Variants in KIAA1958 observed in about 807,000 individuals in gnomAD.
KIAA1958 encodes the protein KIAA1958.
Under a neutral mutation model 47.2 loss-of-function variants are expected in KIAA1958, and 14 were observed. The ratio of observed to expected loss-of-function variants is 0.30; its 90% confidence interval spans 0.20 to 0.46. The LOEUF (loss-of-function observed/expected upper bound fraction) is 0.46. Ranked by LOEUF, KIAA1958 falls within the 20% of genes least tolerant of loss-of-function variation. The pLI is 1.00. For missense variants in KIAA1958, 803 were observed against 909.2 expected (o/e 0.88, Z 1.50); for synonymous variants, 354 against 353.3 (o/e 1.00, Z -0.02).
chr9:112,666,001 T>A lies in KIAA1958; in HGVS notation c.*5932T>A, dbSNP rs1292365123. ...TAGAAAAATATACCTTTTTTTTTTT[T>A]TGAGACTCAGGAGTCTCACTCTGTT... On this transcript the variant is annotated 3_prime_UTR_variant, in exon 4 of 4. Transcript: ENST00000337530. 6.6e-6 allele frequency: 1 copy of A among 151,996 alleles called. No homozygotes were observed. The allele number at this position is 151,996 out of a possible 1,614,324, so 9.4% of individuals were successfully genotyped here.
At chr9:112,520,846 C>G (rs963001286) in intron 1 of KIAA1958, among the ~76,000 whole-genome samples, 2 of 152,142 alleles carry the variant, frequency 1.3e-5, no homozygotes, top group Non-Finnish European at 2.9e-5. Flanking sequence ...ATATGTTGGT[C>G]CTTTTCAACA....
chr9:112,533,868 G>A (rs1688654395), intron 1 of KIAA1958, among the ~76,000 whole-genome samples: 1 of 152,118 alleles, frequency 6.6e-6, no homozygotes, highest in Non-Finnish European at 1.5e-5. Flanking sequence ...GGACTATGGG[G>A]ATTACAATTC....
chr9:112,592,786 G>C (rs1434155893), intron 2 of KIAA1958, among the ~76,000 whole-genome samples: 2 of 152,152 alleles, frequency 1.3e-5, no homozygotes, highest in African/African-American at 4.8e-5. Flanking sequence ...CAAGTAATTG[G>C]ATCTGAGTAG....
intron 1 of KIAA1958, among the ~76,000 whole-genome samples, chr9:112,547,159 C>T (rs980446488): frequency 1.3e-5 from 2 of 151,808 alleles, no homozygotes; most frequent in African/African-American, 4.8e-5. Context: ...GGTAGATCAC[C>T]TGCGACCAGG....
chr9:112,572,459 A>G (rs1161257662), intron 1 of KIAA1958, among the ~76,000 whole-genome samples: 2 of 152,224 alleles, frequency 1.3e-5, no homozygotes, highest in African/African-American at 4.8e-5. Context: ...TAATTAAGTC[A>G]TAGTTTCTGC....
chr9:112,595,762 A>G (rs147346133), intron 2 of KIAA1958, among the ~76,000 whole-genome samples: 4 of 151,998 alleles, frequency 2.6e-5, no homozygotes, highest in African/African-American at 9.6e-5. Flanking sequence ...AAATAAATAT[A>G]CATATTCTGG....
At chr9:112,583,421 A>T (rs1485624719) in intron 2 of KIAA1958, among the ~76,000 whole-genome samples, 1 of 152,232 alleles carries the variant, frequency 6.6e-6, no homozygotes. Flanking sequence ...AGCAATTTAC[A>T]ATATCAAAGT....
At chr9:112,533,153 CATTTTAAGTA>C (rs1834781204) in intron 1 of KIAA1958, among the ~76,000 whole-genome samples, 1 of 151,994 alleles carries the variant, frequency 6.6e-6, no homozygotes, top group South Asian at 2.1e-4. Context: ...CACTTTCCAC[CATTTTAAGTA>C]ATGCGTCAGT....
intron 2 of KIAA1958, among the ~76,000 whole-genome samples, chr9:112,623,666 G>A (rs1184271659): frequency 1.3e-5 from 2 of 152,188 alleles, no homozygotes; most frequent in African/African-American, 4.8e-5. Context: ...GCAGAAGTTT[G>A]TGTCACTCTA....
intron 1 of KIAA1958, among the ~76,000 whole-genome samples, chr9:112,543,567 CTT>C (rs138422704): frequency 9.2e-6 from 1 of 108,174 alleles, no homozygotes; most frequent in Non-Finnish European, 1.9e-5. Flanking sequence ...TTCTGAGCTT[CTT>C]TTTTTTTTTT....
chr9:112,665,191 G>A lies in KIAA1958; in HGVS notation c.*5122G>A, dbSNP rs1179759299. Reference sequence around the variant, plus strand: ...TCCCTCCCCCCATTGAGGTGAGAATGGGCTCCTAGATACTTGGTGGTCAAT... The same window carrying A: ...TCCCTCCCCCCATTGAGGTGAGAATAGGCTCCTAGATACTTGGTGGTCAAT... On this transcript the variant is annotated 3_prime_UTR_variant, in exon 4 of 4. Transcript: ENST00000337530. 6.6e-6 allele frequency: 1 copy of A among 152,082 alleles called. No individual in the cohort carries two copies. The highest frequency in any genetic ancestry group is 1.5e-5 in the Non-Finnish European group (1 of 68,016). The allele number at this position is 152,082 out of a possible 1,614,324, so 9.4% of individuals were successfully genotyped here. A position where few individuals can be genotyped will look rare whatever the true frequency, so the allele number is the denominator to read the frequency against.
chr9:112,491,496 G>C (rs1833968061), intron 1 of KIAA1958, among the ~76,000 whole-genome samples: 1 of 151,158 alleles, frequency 6.6e-6, no homozygotes, highest in East Asian at 1.9e-4. Context: ...TTTAGCTCCA[G>C]AGATAGGACA....
intron 1 of KIAA1958, among the ~76,000 whole-genome samples, chr9:112,520,871 C>T (rs984019418): frequency 6.6e-6 from 1 of 152,140 alleles, no homozygotes; most frequent in African/African-American, 2.4e-5. Context: ...AAACATATCC[C>T]CAGCACCTGG....
At chr9:112,553,737 C>T (rs532430991) in intron 1 of KIAA1958, among the ~76,000 whole-genome samples, 15 of 152,186 alleles carry the variant, frequency 9.9e-5, no homozygotes, top group African/African-American at 2.9e-4. Flanking sequence ...GATCTAATGA[C>T]GTCACTTATC....
Position 112,487,899 on chromosome 9 carries a change from A to G in KIAA1958, c.-25+781A>G, listed in dbSNP as rs572978082. 1.2e-4 allele frequency among the ~76,000 whole-genome samples: 18 copies of G among 151,940 alleles called. No individual in the cohort carries two copies. In the South Asian group the frequency reaches 3.7e-3, roughly 32 times the overall value. On this transcript the variant is annotated intron_variant, in intron 1 of 3. Transcript: ENST00000337530. ...GTTTTAGATTGGGACTTTAAAAAAA[A>G]TGAACGTGGCTGTGATTTTTACAAT...
chr9:112,571,551 C>G (rs1304879483), intron 1 of KIAA1958, among the ~76,000 whole-genome samples: 1 of 152,162 alleles, frequency 6.6e-6, no homozygotes, highest in Non-Finnish European at 1.5e-5. Context: ...GAGCACATTG[C>G]TGCCTTAACA....
intron 1 of KIAA1958, among the ~76,000 whole-genome samples, chr9:112,567,959 C>CAAAAAAAA (rs35931681): frequency 9.1e-5 from 6 of 66,180 alleles, no homozygotes; most frequent in African/African-American, 3.2e-4. Flanking sequence ...GAATCCATCT[C>CAAAAAAAA]AAAAAAAAAA....
intron 1 of KIAA1958, among the ~76,000 whole-genome samples, chr9:112,526,725 AATCACACC>A (rs1244168712): frequency 3.9e-5 from 6 of 152,162 alleles, no homozygotes; most frequent in Non-Finnish European, 8.8e-5. Context: ...TAACAGCACC[AATCACACC>A]CATGAAGGTG....
In KIAA1958 at chr9:112,574,051, C is replaced by G; in HGVS notation, c.-24-6C>G. 7.1e-7 allele frequency: 1 copy of G among 1,414,446 alleles called. No individual in the cohort carries two copies. Among genetic ancestry groups the G allele is most frequent in the Non-Finnish European group, 9.7e-7 (1 of 1,031,622 alleles). The allele number at this position is 1,414,446 out of a possible 1,614,324, so 87.6% of individuals were successfully genotyped here. A position where few individuals can be genotyped will look rare whatever the true frequency, so the allele number is the denominator to read the frequency against. ...ATGGCTTCTTCTTTTGATTATTTCC[C>G]TTTAGGAGTGACACTGCTGATCCTG... On this transcript the variant is annotated splice_polypyrimidine_tract_variant and splice_region_variant and intron_variant, in intron 1 of 3. Coordinates refer to ENST00000337530, the MANE Select transcript of KIAA1958 (RefSeq NM_133465.4).
Sources: gnomAD v4.1 joint callset for allele counts (sites outside exome capture counted in the v4.1 genomes callset) on GRCh38, gnomAD v4.1.1 for gene constraint, MANE v1.5 for transcripts, NCBI Gene and HGNC (gene_info 2026-07-23, HGNC 2026-07-21) for gene names.